The following MYH14 variants were observed in gnomAD, a reference collection of about 807,000 sequenced individuals.
MYH14 encodes myosin-14.
MYH14 carries 123 observed loss-of-function variants against 255.5 expected under a neutral mutation model. That is an observed-to-expected ratio of 0.48 (90% CI 0.42 to 0.56). The LOEUF is 0.56. Among genes scored for constraint, MYH14 ranks in the 20% least tolerant of loss-of-function variants. The probability of loss-of-function intolerance (pLI) is 0.00; values close to 1 mark genes in which losing one functional copy is unlikely to be tolerated. For missense variants in MYH14, 2,423 were observed against 2,802.3 expected (o/e 0.86, Z 3.06); for synonymous variants, 1,095 against 1,161.2 (o/e 0.94, Z 1.16).
chr19:50,268,180 G>GCCTGGCAGAGCAATTGCGAGCA lies in MYH14; in HGVS notation c.2847_2868dup (p.Glu957ProfsTer69). Reference sequence around the variant, plus strand: ...CCCCAGCTGGAAGAGGAGCGCGCCCGCCTGGCAGAGCAATTGCGAGCAGAG... The same window carrying GCCTGGCAGAGCAATTGCGAGCA: ...CCCCAGCTGGAAGAGGAGCGCGCCCGCCTGGCAGAGCAATTGCGAGCACCTGGCAGAGCAATTGCGAGCAGAG... On this transcript the variant is annotated frameshift_variant, in exon 24 of 43. Coordinates refer to ENST00000642316, the MANE Select transcript of MYH14 (RefSeq NM_001145809.2). LOFTEE classifies it high-confidence loss of function. 6.5e-7 allele frequency: 1 copy of GCCTGGCAGAGCAATTGCGAGCA among 1,549,044 alleles called. No individual in the cohort carries two copies. Among genetic ancestry groups the GCCTGGCAGAGCAATTGCGAGCA allele is most frequent in the South Asian group, 1.2e-5 (1 of 84,070 alleles).
chr19:50,237,290 C>T (rs1409307490), intron 10 of MYH14, among the ~76,000 whole-genome samples: 1 of 151,978 alleles, frequency 6.6e-6, no homozygotes, highest in Non-Finnish European at 1.5e-5. Flanking sequence ...TGTGTTTCAT[C>T]TCTCCCCAAC....
At chr19:50,226,598 G>A (rs1440765033) in intron 7 of MYH14, among the ~76,000 whole-genome samples, 1 of 151,998 alleles carries the variant, frequency 6.6e-6, no homozygotes, top group Non-Finnish European at 1.5e-5. Flanking sequence ...TGAGGGATGA[G>A]GGAGTGCAGG....
At chr19:50,265,521 A>G (rs1240422745) in intron 22 of MYH14, among the ~76,000 whole-genome samples, 1 of 151,980 alleles carries the variant, frequency 6.6e-6, no homozygotes, top group African/African-American at 2.4e-5. Flanking sequence ...TTGAAAAAAT[A>G]AATCAAAATT....
chr19:50,307,157 G>T lies in MYH14; in HGVS notation c.5787G>T (p.Gln1929His). Reference protein sequence around the residue: ...ERRVADQLRDQLEKGNLRVKQ... With the variant: ...ERRVADQLRDHLEKGNLRVKQ... ...GGGTGGCTGACCAGCTCCGGGACCA[G>T]GTAAGCAGCTGGCATCATTAGGGAG... Residue 1929 changes from glutamine to histidine, a missense_variant and splice_region_variant, in exon 41 of 43, where the codon CAG (glutamine) becomes CAT (histidine). Physicochemically the swap from Gln to His is conservative, Grantham distance 24. Coordinates refer to ENST00000642316, the MANE Select transcript of MYH14 (RefSeq NM_001145809.2). The T allele has an allele frequency of 1.3e-6, 2 of 1,538,976 alleles. No individual in the cohort carries two copies. The highest frequency in any genetic ancestry group is 1.2e-5 in the South Asian group (1 of 83,724).
At chr19:50,245,442 AG>A (rs1568493011) in intron 11 of MYH14, among the ~76,000 whole-genome samples, 6 of 127,866 alleles carry the variant, frequency 4.7e-5, no homozygotes, top group Non-Finnish European at 8.0e-5. Flanking sequence ...AGAAGAAGAA[AG>A]AAAGAAAAAG....
chr19:50,235,138 G>A (rs1464387314), intron 10 of MYH14, among the ~76,000 whole-genome samples: 1 of 151,862 alleles, frequency 6.6e-6, no homozygotes, highest in Non-Finnish European at 1.5e-5. Flanking sequence ...TTGGGAGGCC[G>A]ACTGAGGTCA....
At chr19:50,247,229 A>AGTG in intron 12 of MYH14, 107 bp downstream of exon 12, 1 of 770,796 alleles carries the variant, frequency 1.3e-6, no homozygotes, top group Non-Finnish European at 2.2e-6. Flanking sequence ...ACTTTTGCTG[A>AGTG]GTGCCCGCTC....
intron 34 of MYH14, among the ~76,000 whole-genome samples, chr19:50,289,178 G>A (rs1207622093): frequency 3.3e-5 from 5 of 152,182 alleles, no homozygotes; most frequent in African/African-American, 1.2e-4. Flanking sequence ...ACAGACGCTT[G>A]TATTGGACTC....
intron 11 of MYH14, among the ~76,000 whole-genome samples, chr19:50,244,974 G>A (rs1404208139): frequency 6.6e-6 from 1 of 152,120 alleles, no homozygotes; most frequent in Non-Finnish European, 1.5e-5. Context: ...TCCAGCCTCT[G>A]CACTCTGCAG....
chr19:50,247,916 C>G (rs574776281), intron 12 of MYH14, among the ~76,000 whole-genome samples: 1 of 152,054 alleles, frequency 6.6e-6, no homozygotes, highest in South Asian at 2.1e-4. Context: ...CAAAAATTAG[C>G]TGGGTATGTG....
intron 19 of MYH14, among the ~76,000 whole-genome samples, chr19:50,260,055 A>G (rs1301913356): frequency 1.3e-5 from 2 of 152,230 alleles, no homozygotes; most frequent in African/African-American, 4.8e-5. Context: ...ACATTTTCTA[A>G]TAGCTACACT....
At chr19:50,302,581 T>TA (rs369994273) in intron 40 of MYH14, among the ~76,000 whole-genome samples, 1,924 of 134,810 alleles carry the variant, frequency 0.014, 23 homozygotes, top group Middle Eastern at 0.1. Flanking sequence ...AGACTCCATT[T>TA]AAAAAAAAAA....
intron 7 of MYH14, among the ~76,000 whole-genome samples, chr19:50,226,050 A>G (rs1483847695): frequency 8.7e-4 from 1 of 1,144 alleles, no homozygotes; most frequent in Non-Finnish European, 1.6e-3. Flanking sequence ...AGGGGCTGGG[A>G]GCCCCAGACC....
At chr19:50,213,241 A>T (rs780281549) in intron 2 of MYH14, among the ~76,000 whole-genome samples, 1 of 152,238 alleles carries the variant, frequency 6.6e-6, no homozygotes, top group African/African-American at 2.4e-5. Flanking sequence ...GAGCCACTGC[A>T]TCCGGCCACT....
intron 1 of MYH14, chr19:50,205,448 C>A (rs1375115598): frequency 6.6e-6 from 1 of 152,342 alleles, no homozygotes; most frequent in East Asian, 1.9e-4. Context: ...CGCCCTGTGA[C>A]GCGACGGGGC....
At chr19:50,205,580 GGGGGC>G (rs2031695530) in intron 1 of MYH14, 1 of 152,372 alleles carries the variant, frequency 6.6e-6, no homozygotes, top group Non-Finnish European at 1.5e-5. Flanking sequence ...TGCGAGTTGA[GGGGGC>G]GGCGACACAG....
Position 50,309,641 on chromosome 19 carries a change from C to A in MYH14, c.5962C>A (p.Arg1988Ser). ...EVTTLRNRLRRGPLTFTTRTV... is the reference protein window; with the variant it reads ...EVTTLRNRLRSGPLTFTTRTV... ...TATCCTGGTCTCTCCTCCCCACAGA[C>A]GCGGCCCCCTCACCTTCACCACCCG... is the stretch of plus-strand genomic sequence containing the variant. Residue 1988 changes from arginine (R) to serine (S), a missense_variant and splice_region_variant, in exon 43 of 43, where the codon CGC becomes AGC. Arg to Ser is a moderately radical substitution (Grantham distance 110, BLOSUM62 -1). Around this residue, in one of 3 missense-constraint regions of MYH14, gnomAD observed 1,513 missense variants for 1,674.8 expected, o/e 0.90. Transcript: ENST00000642316. 4.4e-6 allele frequency: 7 copies of A among 1,595,856 alleles called. No homozygotes were observed. Among genetic ancestry groups the A allele is most frequent in the Non-Finnish European group, 6.0e-6 (7 of 1,169,916 alleles).
chr19:50,257,092 G>GGA (rs1568505729), intron 17 of MYH14, among the ~76,000 whole-genome samples: 6 of 152,344 alleles, frequency 3.9e-5, no homozygotes, highest in Non-Finnish European at 5.9e-5. Context: ...TTTCTAAGCT[G>GGA]TGTGACCTTA....
intron 33 of MYH14, chr19:50,284,692 T>C (rs920935106): frequency 6.2e-5 from 9 of 145,364 alleles, no homozygotes; most frequent in African/African-American, 2.2e-4. Flanking sequence ...ACCCGGCCTA[T>C]CCTGTTTTTT....
Sources: allele counts gnomAD v4.1 joint callset (sites outside exome capture counted in the v4.1 genomes callset), GRCh38; gene constraint gnomAD v4.1.1; regional missense constraint gnomAD v4.1.1; transcripts MANE v1.5; gene names NCBI Gene and HGNC (gene_info 2026-07-23, HGNC 2026-07-21).